BACH2: variants seen among roughly 807,000 people sequenced by gnomAD.
BACH2 encodes the protein transcription regulator protein BACH2.
A neutral mutation model predicts 61.8 loss-of-function variants in BACH2; 5 were observed. That is an observed-to-expected ratio of 0.08 (90% CI 0.04 to 0.17). BACH2 has a LOEUF of 0.17. BACH2 is among the 10% of genes least tolerant of loss of function. The pLI, the probability that BACH2 is intolerant of heterozygous loss-of-function variation, is 1.00. For missense variants in BACH2, 824 were observed against 1,091.1 expected (o/e 0.76, Z 3.45); for synonymous variants, 446 against 440.1 (o/e 1.01, Z -0.17).
intron 1 of BACH2, among the ~76,000 whole-genome samples, chr6:90,290,679 G>A (rs1038154228): frequency 5.9e-5 from 9 of 152,178 alleles, no homozygotes; most frequent in Non-Finnish European, 1.2e-4. Flanking sequence ...ATCACATTGG[G>A]ATCTCCCAAC....
At chr6:90,002,197 C>G (rs1026757111) in intron 6 of BACH2, among the ~76,000 whole-genome samples, 10 of 152,210 alleles carry the variant, frequency 6.6e-5, no homozygotes, top group African/African-American at 2.4e-4. Flanking sequence ...CCACCTCAGG[C>G]TTGCTCCTTC....
chr6:90,104,371 G>T (rs973552791), intron 4 of BACH2: 2 of 152,242 alleles, frequency 1.3e-5, no homozygotes, highest in African/African-American at 4.8e-5. Context: ...GCCCAGAAGC[G>T]AGGTGCTCCT....
chr6:90,137,186 C>G (rs990115400), intron 4 of BACH2, among the ~76,000 whole-genome samples: 3 of 152,144 alleles, frequency 2.0e-5, no homozygotes, highest in African/African-American at 7.2e-5. Flanking sequence ...ACAATAACAC[C>G]TAAGGAATAC....
chr6:89,934,700 A>G (rs983957801), intron 8 of BACH2, among the ~76,000 whole-genome samples: 1 of 151,740 alleles, frequency 6.6e-6, no homozygotes, highest in Non-Finnish European at 1.5e-5. Flanking sequence ...AGGGGAGGAG[A>G]TGGGGTTCCA....
intron 4 of BACH2, among the ~76,000 whole-genome samples, chr6:90,108,800 A>G (rs1562449680): frequency 6.6e-6 from 1 of 152,180 alleles, no homozygotes; most frequent in South Asian, 2.1e-4. Flanking sequence ...ACTTTCTTCA[A>G]TTTTAGCTAT....
chr6:90,128,701 C>T (rs1231673514), intron 4 of BACH2, among the ~76,000 whole-genome samples: 1 of 152,162 alleles, frequency 6.6e-6, no homozygotes, highest in East Asian at 1.9e-4. Context: ...ACCCAGCAAT[C>T]CCATTACTGG....
Position 89,987,778 on chromosome 6 carries a change from G to A in BACH2, c.243+20824C>T, listed in dbSNP as rs139449872. 3.9e-5 allele frequency among the ~76,000 whole-genome samples: 6 copies of A among 152,208 alleles called. No homozygotes were observed. The East Asian group carries it at 7.7e-4, about 20-fold the overall frequency. On this transcript the variant is annotated intron_variant, in intron 6 of 8. Transcript: ENST00000257749. ...ATTATAAAAAAAAAATTCCAAATTG[G>A]ATGGGGCCTGGACTCTAACATGCCT...
intron 2 of BACH2, among the ~76,000 whole-genome samples, chr6:90,260,926 A>T (rs1771136352): frequency 6.6e-6 from 1 of 152,162 alleles, no homozygotes; most frequent in Non-Finnish European, 1.5e-5. Context: ...CCCACTGGAA[A>T]AGTCCTGTGT....
At chr6:90,001,879 TTAAAA>T (rs1777150152) in intron 6 of BACH2, among the ~76,000 whole-genome samples, 1 of 152,228 alleles carries the variant, frequency 6.6e-6, no homozygotes. Context: ...TTCTTCCTAC[TTAAAA>T]TAAAAAACCA....
At chr6:90,000,043 A>G (rs1050457291) in intron 6 of BACH2, among the ~76,000 whole-genome samples, 7 of 152,238 alleles carry the variant, frequency 4.6e-5, no homozygotes. Flanking sequence ...AAATAGGCTT[A>G]CTGGCCTCAG....
chr6:90,019,647 C>G (rs1778272059), intron 5 of BACH2, among the ~76,000 whole-genome samples: 1 of 152,150 alleles, frequency 6.6e-6, no homozygotes, highest in African/African-American at 2.4e-5. Flanking sequence ...TTCTAAAGAC[C>G]ATTTTGTGCC....
At chr6:90,128,105 C>T (rs961420558) in intron 4 of BACH2, among the ~76,000 whole-genome samples, 1 of 152,190 alleles carries the variant, frequency 6.6e-6, no homozygotes, top group African/African-American at 2.4e-5. Context: ...CCCCTTACCC[C>T]ATCCTGGCCT....
intron 6 of BACH2, among the ~76,000 whole-genome samples, chr6:89,977,906 T>G (rs570105538): frequency 6.6e-6 from 1 of 152,318 alleles, no homozygotes; most frequent in Non-Finnish European, 1.5e-5. Flanking sequence ...CTGGGAAAAG[T>G]GCTGAGCGTA....
intron 3 of BACH2, among the ~76,000 whole-genome samples, chr6:90,218,501 T>G (rs1228306661): frequency 6.7e-6 from 1 of 148,492 alleles, no homozygotes; most frequent in African/African-American, 2.4e-5. Flanking sequence ...CTTTTTCTTT[T>G]CTTTCTTTTT....
At chr6:90,181,164 T>C (rs755987070) in intron 4 of BACH2, among the ~76,000 whole-genome samples, 14 of 152,220 alleles carry the variant, frequency 9.2e-5, no homozygotes, top group Non-Finnish European at 2.1e-4. Flanking sequence ...TTTCACTATA[T>C]GTACATCAAT....
intron 4 of BACH2, among the ~76,000 whole-genome samples, chr6:90,154,440 C>G (rs1187553363): frequency 6.6e-6 from 1 of 152,152 alleles, no homozygotes; most frequent in Non-Finnish European, 1.5e-5. Flanking sequence ...GTAATCTACT[C>G]CTTTTATAGA....
chr6:90,015,301 CTT>C (rs1035625368), intron 5 of BACH2, among the ~76,000 whole-genome samples: 1 of 151,802 alleles, frequency 6.6e-6, no homozygotes, highest in Admixed American at 6.6e-5. Flanking sequence ...TTGTTATATC[CTT>C]TATTTTGCTT....
At chr6:90,012,577 T>C (rs1420137663) in intron 5 of BACH2, among the ~76,000 whole-genome samples, 2 of 150,040 alleles carry the variant, frequency 1.3e-5, no homozygotes, top group East Asian at 2.0e-4. Context: ...TGCAGTGAGC[T>C]GAGATTGCGC....
chr6:90,041,445 T>C (rs921604335), intron 5 of BACH2, among the ~76,000 whole-genome samples: 5 of 152,020 alleles, frequency 3.3e-5, no homozygotes, highest in African/African-American at 4.8e-5. Context: ...TAAAGATCTA[T>C]TAATATGATA....
Sources: gnomAD v4.1 joint callset for allele counts (sites outside exome capture counted in the v4.1 genomes callset) on GRCh38, gnomAD v4.1.1 for gene constraint, MANE v1.5 for transcripts, NCBI Gene and HGNC (gene_info 2026-07-23, HGNC 2026-07-21) for gene names.